Variants in TSNARE1 observed in about 807,000 individuals in gnomAD.
TSNARE1 encodes t-SNARE domain-containing protein 1.
A neutral mutation model predicts 62.0 loss-of-function variants in TSNARE1; 49 were observed. That is an observed-to-expected ratio of 0.79 (90% CI 0.63 to 1.00). TSNARE1 has a LOEUF of 1.00. Ranked by LOEUF, TSNARE1 falls within the 50% of genes least tolerant of loss-of-function variation. The pLI, the probability that TSNARE1 is intolerant of heterozygous loss-of-function variation, is 0.00. For missense variants in TSNARE1, 755 were observed against 700.1 expected (o/e 1.08, Z -0.88); for synonymous variants, 328 against 294.4 (o/e 1.11, Z -1.17).
Position 142,354,749 on chromosome 8 carries a change from A to G in TSNARE1, c.-25T>C. Reference sequence around the variant, plus strand: ...TCTTCTTACAGATGGCAGGGCCAGCAGCCTCCACACTGAGCTGGAGGAAAC... The same window carrying G: ...TCTTCTTACAGATGGCAGGGCCAGCGGCCTCCACACTGAGCTGGAGGAAAC... On this transcript the variant is annotated 5_prime_UTR_variant, in exon 2 of 14. Coordinates refer to ENST00000524325, the MANE Select transcript of TSNARE1 (RefSeq NM_145003.5). 6.3e-7 allele frequency: 1 copy of G among 1,585,868 alleles called. No homozygotes were observed. Among genetic ancestry groups the G allele is most frequent in the South Asian group, 1.1e-5 (1 of 90,530 alleles).
chr8:142,364,288 C>A (rs1007286105), intron 1 of TSNARE1, among the ~76,000 whole-genome samples: 1 of 152,208 alleles, frequency 6.6e-6, no homozygotes, highest in African/African-American at 2.4e-5. Context: ...CTAAGCACTC[C>A]CGCGCTCACT....
intron 12 of TSNARE1, among the ~76,000 whole-genome samples, chr8:142,267,879 G>C (rs1330489383): frequency 2.0e-5 from 3 of 152,212 alleles, no homozygotes; most frequent in Admixed American, 2.0e-4. Flanking sequence ...GGATAGGTCG[G>C]CAACCCTCAA....
chr8:142,225,419 C>A (rs1372198414), intron 13 of TSNARE1, among the ~76,000 whole-genome samples: 1 of 152,066 alleles, frequency 6.6e-6, no homozygotes, highest in Non-Finnish European at 1.5e-5. Flanking sequence ...CTCTCCTAAC[C>A]CTCCCCTCCC....
In TSNARE1 at chr8:142,230,480, G is replaced by C. The variant is rs1195760800; in HGVS notation, c.1447-901C>G. ...GTTTAGCAGTGTGTTGTTGGAGAGA[G>C]CACTCAGGAAGCCAGACAAGAGGAT... On this transcript the variant is annotated intron_variant, in intron 12 of 13. Transcript: ENST00000524325. Among the ~76,000 whole-genome samples, 14 of 152,132 alleles carry C rather than the reference G, an allele frequency of 9.2e-5. 1 individual carries two copies. The highest frequency in any genetic ancestry group is 9.2e-4 in the Admixed American group (14 of 15,274).
rs377181593 is a variant in TSNARE1 at position 142,249,482 on chromosome 8, G to A, written c.1447-19903C>T. 3.9e-5 allele frequency among the ~76,000 whole-genome samples: 6 copies of A among 152,320 alleles called. No homozygotes were observed. The East Asian group carries it at 5.8e-4, about 15-fold the overall frequency. ...TTGGGTGGCAATTCCCAAGATCCCC[G>A]AGGAGGGCAGGTCCTGGGCAGAGGC... On this transcript the variant is annotated intron_variant, in intron 12 of 13. Transcript: ENST00000524325.
At chr8:142,259,796 C>G (rs766660891) in intron 12 of TSNARE1, among the ~76,000 whole-genome samples, 6 of 152,168 alleles carry the variant, frequency 3.9e-5, no homozygotes, top group Non-Finnish European at 8.8e-5. Context: ...ATTAGAATAC[C>G]GAGTTGCTAA....
chr8:142,329,243 G>A (rs1830677946), intron 6 of TSNARE1, among the ~76,000 whole-genome samples: 1 of 152,200 alleles, frequency 6.6e-6, no homozygotes, highest in African/African-American at 2.4e-5. Context: ...AAGCACTAAG[G>A]CGAGTTTCCA....
At chr8:142,276,003 A>G in intron 11 of TSNARE1, 1 of 985,446 alleles carries the variant, frequency 1.0e-6, no homozygotes, top group Non-Finnish European at 1.2e-6. Flanking sequence ...CCCTGCCTTC[A>G]GAAGCCCCCA....
At chr8:142,341,909 T>C (rs756740061) in intron 4 of TSNARE1, among the ~76,000 whole-genome samples, 59 of 152,306 alleles carry the variant, frequency 3.9e-4, no homozygotes, top group Non-Finnish European at 6.9e-4. Context: ...GGAGGACTTC[T>C]TCATGTAAAA....
intron 2 of TSNARE1, among the ~76,000 whole-genome samples, chr8:142,348,970 C>T (rs1480633131): frequency 6.6e-6 from 1 of 152,150 alleles, no homozygotes; most frequent in African/African-American, 2.4e-5. Context: ...TGCAGCTGAC[C>T]CTACACCCAT....
At chr8:142,267,664 TC>T (rs1819205851) in intron 12 of TSNARE1, among the ~76,000 whole-genome samples, 1 of 151,850 alleles carries the variant, frequency 6.6e-6, no homozygotes, top group African/African-American at 2.4e-5. Flanking sequence ...TCCCTGCCAC[TC>T]CCCCCGGCCT....
intron 1 of TSNARE1, among the ~76,000 whole-genome samples, chr8:142,391,763 A>G (rs1030093488): frequency 6.6e-6 from 1 of 152,232 alleles, no homozygotes; most frequent in African/African-American, 2.4e-5. Context: ...GGCTGTGCAC[A>G]GTGGCCAGAC....
rs780482944 is a variant in TSNARE1, at chr8:142,274,773, G to C, written c.1446+8C>G. 1.3e-6 allele frequency: 2 copies of C among 1,551,392 alleles called. No individual in the cohort carries two copies. The highest frequency in any genetic ancestry group is 1.7e-6 in the Non-Finnish European group (2 of 1,149,282). ...CGGCCGGGCACTGTGGCCCTCACACGGACTTACTTGGTGCCGGCTGGCTCC... is the reference window on the plus strand; with the variant it reads ...CGGCCGGGCACTGTGGCCCTCACACCGACTTACTTGGTGCCGGCTGGCTCC... On this transcript the variant is annotated splice_region_variant and intron_variant, in intron 12 of 13. Transcript: ENST00000524325.
At chr8:142,219,369 C>T (rs959262606) in intron 13 of TSNARE1, among the ~76,000 whole-genome samples, 3 of 152,180 alleles carry the variant, frequency 2.0e-5, no homozygotes, top group Non-Finnish European at 4.4e-5. Context: ...CTTGTTTTCA[C>T]TACCACCCCC....
chr8:142,303,466 G>T (rs1051014199), intron 9 of TSNARE1, among the ~76,000 whole-genome samples: 4 of 152,222 alleles, frequency 2.6e-5, no homozygotes, highest in Non-Finnish European at 5.9e-5. Flanking sequence ...CGCCTTGGCC[G>T]CTGGAAGGAA....
chr8:142,300,950 T>G (rs1586663398), intron 9 of TSNARE1, among the ~76,000 whole-genome samples: 2 of 136,834 alleles, frequency 1.5e-5, no homozygotes, highest in East Asian at 2.1e-4. Context: ...GAGGGGAGGG[T>G]GGGCAGGAGG....
rs565800400 is a variant in TSNARE1, at chr8:142,282,128, C to T, written c.1363+2285G>A. On this transcript the variant is annotated intron_variant, in intron 11 of 13. Transcript: ENST00000524325. ...GCTGGCTGGGAGGTGCCCTGGCTTG[C>T]GGTGCAGCCCCTCTTCTCGTGGATG... 7.9e-5 allele frequency among the ~76,000 whole-genome samples: 12 copies of T among 152,332 alleles called. No homozygotes were observed. The East Asian group carries it at 1.5e-3, about 20-fold the overall frequency.
In TSNARE1 at chr8:142,292,380, C is replaced by T. The variant is rs533429959; in HGVS notation, c.1291-7895G>A. Among the ~76,000 whole-genome samples, 272 of 152,264 alleles carry T rather than the reference C, an allele frequency of 1.8e-3. 1 individual carries two copies. Among genetic ancestry groups the T allele is most frequent in the Middle Eastern group, 3.4e-3 (1 of 294 alleles). On this transcript the variant is annotated intron_variant, in intron 10 of 13. Transcript: ENST00000524325. ...AGTGGTGGGAAGGCAGGTGCGGCAC[C>T]CTTTCTCATGGGAATTTTGAAGATG...
At chr8:142,399,948 A>G (rs112795720) in intron 1 of TSNARE1, among the ~76,000 whole-genome samples, 4,208 of 152,202 alleles carry the variant, frequency 0.028, 71 homozygotes, top group East Asian at 0.047. Flanking sequence ...GAATCCCAGC[A>G]CTCCGGGAGG....
Sources: allele counts gnomAD v4.1 joint callset (sites outside exome capture counted in the v4.1 genomes callset), GRCh38; gene constraint gnomAD v4.1.1; transcripts MANE v1.5; gene names NCBI Gene and HGNC (gene_info 2026-07-23, HGNC 2026-07-21).